Variants in CD99 observed in about 807,000 individuals in gnomAD.
CD99 encodes CD99 molecule (Xg blood group), also known as CD99 antigen.
Under a neutral mutation model 28.4 loss-of-function variants are expected in CD99, and 19 were observed. That is an observed-to-expected ratio of 0.67 (90% confidence interval 0.47 to 0.98). CD99 has a LOEUF of 0.98. Among genes scored for constraint, CD99 ranks in the 50% least tolerant of loss-of-function variants. The pLI, the probability that CD99 is intolerant of heterozygous loss-of-function variation, is 0.00. For synonymous variants in CD99, 103 were observed against 92.1 expected, an observed-to-expected ratio of 1.12 and a Z score of -0.67; for missense variants, 283 against 248.8, an observed-to-expected ratio of 1.14 and a Z score of -0.92.
chrX:2,733,373 G>A, intron 8 of CD99: 2 of 1,592,526 alleles, frequency 1.3e-6, no homozygotes, highest in Non-Finnish European at 1.7e-6. Flanking sequence ...GAAGACCTAG[G>A]GGTGAGCAGA....
rs770844 is a variant in CD99, at chrX:2,737,310, G to A, written c.476-890G>A. 3.4e-5 allele frequency among the ~76,000 whole-genome samples: 5 copies of A among 148,490 alleles called. No individual in the cohort carries two copies. In the East Asian group the frequency reaches 6.1e-4, roughly 18 times the overall value. On this transcript the variant is annotated intron_variant, in intron 8 of 9. Coordinates refer to ENST00000381192, the MANE Select transcript of CD99 (RefSeq NM_002414.5). The stretch of plus-strand genomic sequence containing the variant: ...CTCCTGTCTCAGCCTCCCAAGTAGC[G>A]GGGACTACAGGTGCACGCCACCACG...
intron 1 of CD99, among the ~76,000 whole-genome samples, chrX:2,693,666 C>CTCAGAG (rs1229921590): frequency 6.6e-6 from 1 of 152,262 alleles, no homozygotes; most frequent in African/African-American, 2.4e-5. Flanking sequence ...CTGGCCTGAT[C>CTCAGAG]TCAGAGTGTT....
At chrX:2,717,162 C>T (rs1301717296) in intron 2 of CD99, among the ~76,000 whole-genome samples, 4 of 152,030 alleles carry the variant, frequency 2.6e-5, no homozygotes, top group South Asian at 2.1e-4. Flanking sequence ...ACCTGGCCAA[C>T]GTGGTGAAAC....
chrX:2,705,106 CAG>C (rs1299859337), intron 1 of CD99, among the ~76,000 whole-genome samples: 1 of 152,208 alleles, frequency 6.6e-6, no homozygotes, highest in Non-Finnish European at 1.5e-5. Context: ...AGTTTGCTAG[CAG>C]AGAGTGTTTC....
At position 2,740,909 on chromosome X, in the gene CD99, C is replaced by T; in HGVS notation, c.*105C>T. On this transcript the variant is annotated 3_prime_UTR_variant, in exon 10 of 10. Transcript: ENST00000381192. ...GCCTGAGAGCAGAGATGGAGGCCTT[C>T]TGTTCACGGCGGATTCTTTGTTTTA... 2 of 1,192,088 alleles carry T rather than the reference C, an allele frequency of 1.7e-6. No homozygotes were observed. The highest frequency in any genetic ancestry group is 2.3e-5 in the East Asian group (1 of 43,010). The allele number at this position is 1,192,088 out of a possible 1,614,324, so 73.8% of individuals were successfully genotyped here. A position where few individuals can be genotyped will look rare whatever the true frequency, so the allele number is the denominator to read the frequency against.
rs549880109 is a variant in CD99, at chrX:2,717,815, T to G, written c.148+163T>G. On this transcript the variant is annotated intron_variant, in intron 3 of 9. Transcript: ENST00000381192. ...TGGAATTGTGTTATGATGTTACATT[T>G]CATGTAGTGATTCCAGTAAAAGAAT... The G allele has an allele frequency of 5.6e-4, 357 of 643,148 alleles. 2 individuals are homozygous for G. The highest frequency in any genetic ancestry group is 3.8e-3 in the Middle Eastern group (14 of 3,690). 39.8% of individuals were successfully genotyped at this position (643,148 alleles called of 1,614,324 possible). A position where few individuals can be genotyped will look rare whatever the true frequency, so the allele number is the denominator to read the frequency against.
At chrX:2,738,320 C>T (rs1223815653) in intron 9 of CD99, 64 bp downstream of exon 9, 5 of 1,466,732 alleles carry the variant, frequency 3.4e-6, no homozygotes, top group Non-Finnish European at 4.8e-6. Context: ...TCTTCTCCAT[C>T]CTCTCCCATC....
At chrX:2,698,601 G>A (rs2047687257) in intron 1 of CD99, among the ~76,000 whole-genome samples, 1 of 151,844 alleles carries the variant, frequency 6.6e-6, no homozygotes, top group Non-Finnish European at 1.5e-5. Flanking sequence ...TGTGTAGTTG[G>A]GACTATGGGC....
At chrX:2,726,521 G>A (rs745929619) in intron 8 of CD99, 148 bp downstream of exon 8, 21 of 703,020 alleles carry the variant, frequency 3.0e-5, no homozygotes, top group African/African-American at 2.4e-4. Context: ...TTCTGGAATC[G>A]AACCTTCTGG....
chrX:2,730,549 T>C (rs2049545959), intron 8 of CD99, among the ~76,000 whole-genome samples: 1 of 152,070 alleles, frequency 6.6e-6, no homozygotes, highest in South Asian at 2.1e-4. Flanking sequence ...TTTATACTAA[T>C]GAGATGCTAG....
chrX:2,737,662 C>G (rs34991201), intron 8 of CD99, among the ~76,000 whole-genome samples: 6,547 of 149,986 alleles, frequency 0.044, 156 homozygotes, highest in Non-Finnish European at 0.058. Context: ...GCCCAGTTAA[C>G]TTTTGTATTT....
intron 9 of CD99, among the ~76,000 whole-genome samples, chrX:2,739,097 G>C (rs2050083099): frequency 1.3e-5 from 2 of 151,950 alleles, no homozygotes; most frequent in South Asian, 4.2e-4. Flanking sequence ...TGCCCATCCT[G>C]AGCTCAAGCA....
At chrX:2,696,336 G>A (rs2047571131) in intron 1 of CD99, among the ~76,000 whole-genome samples, 2 of 152,196 alleles carry the variant, frequency 1.3e-5, no homozygotes, top group African/African-American at 2.4e-5. Context: ...TGGGCTCATC[G>A]TTGCTGGTGT....
intron 1 of CD99, among the ~76,000 whole-genome samples, chrX:2,710,868 T>C (rs1418110444): frequency 9.5e-5 from 1 of 10,512 alleles, no homozygotes; most frequent in African/African-American, 2.9e-4. Flanking sequence ...TAGAGATGAC[T>C]TTTTTTTTTT....
chrX:2,708,136 G>A (rs185686819), intron 1 of CD99, among the ~76,000 whole-genome samples: 1 of 152,152 alleles, frequency 6.6e-6, no homozygotes, highest in East Asian at 1.9e-4. Context: ...ACACACACCT[G>A]GGGGACTGCC....
At chrX:2,713,244 A>G (rs1430336608) in intron 1 of CD99, among the ~76,000 whole-genome samples, 2 of 151,910 alleles carry the variant, frequency 1.3e-5, no homozygotes, top group Admixed American at 6.6e-5. Flanking sequence ...AAACACACCT[A>G]CACACTGTGC....
chrX:2,717,398 C>A, intron 2 of CD99: 1 of 561,698 alleles, frequency 1.8e-6, no homozygotes, highest in South Asian at 2.6e-5. Flanking sequence ...TCTGTGGAAA[C>A]CATGGCCGGT....
intron 8 of CD99, among the ~76,000 whole-genome samples, chrX:2,732,240 C>T (rs1392838001): frequency 1.9e-4 from 29 of 152,164 alleles, no homozygotes; most frequent in East Asian, 3.9e-4. Flanking sequence ...GTGTTGGCTT[C>T]GCGGGGGACC....
intron 4 of CD99, among the ~76,000 whole-genome samples, chrX:2,719,950 C>T (rs2048915753): frequency 6.6e-6 from 1 of 152,108 alleles, no homozygotes; most frequent in Non-Finnish European, 1.5e-5. Context: ...ATGTGCCTAC[C>T]CTGGCCAGGG....
Sources: gnomAD v4.1 joint callset for allele counts (sites outside exome capture counted in the v4.1 genomes callset) on GRCh38, gnomAD v4.1.1 for gene constraint, MANE v1.5 for transcripts, NCBI Gene and HGNC (gene_info 2026-07-23, HGNC 2026-07-21) for gene names.